The following SOS2 variants were observed in gnomAD, a reference collection of about 807,000 sequenced individuals.
SOS2 encodes the protein son of sevenless homolog 2.
Under a neutral mutation model 148.2 loss-of-function variants are expected in SOS2, and 65 were observed. The ratio of observed to expected loss-of-function variants is 0.44; its 90% confidence interval spans 0.36 to 0.54. The LOEUF (loss-of-function observed/expected upper bound fraction) is 0.54, where lower values mean the gene tolerates loss of function less well. Ranked by LOEUF, SOS2 falls within the 20% of genes least tolerant of loss-of-function variation. SOS2 has a pLI of 0.00. For synonymous variants in SOS2, 539 were observed against 537.1 expected (o/e 1.00, Z -0.05); for missense variants, 1,341 against 1,590.2 (o/e 0.84, Z 2.67).
intron 1 of SOS2, among the ~76,000 whole-genome samples, chr14:50,217,361 A>G (rs1240017140): frequency 6.6e-6 from 1 of 152,178 alleles, no homozygotes; most frequent in Non-Finnish European, 1.5e-5. Flanking sequence ...AGAAAAAGTG[A>G]TTCAAATGAG....
Position 50,199,770 on chromosome 14 carries a change from A to T in SOS2, c.431T>A (p.Leu144Ter), listed in dbSNP as rs1886425451. ...GATATTAAAAACATAATTACCAGCC[A>T]ATTTTAAAATATCAGCTGAGATATA... is the stretch of plus-strand genomic sequence containing the variant. ...LEYISADILK[L>*]AGNYVFNIRH... The change falls in exon 4 of 23, where the codon TTG becomes TAG. Residue 144 changes from leucine to a stop codon, truncating the protein, a stop_gained. Coordinates refer to ENST00000216373, the MANE Select transcript of SOS2 (RefSeq NM_006939.4). LOFTEE classifies it high-confidence loss of function. The T allele has an allele frequency of 6.2e-7, 1 of 1,603,154 alleles. No individual in the cohort carries two copies. The highest frequency in any genetic ancestry group is 8.5e-7 in the Non-Finnish European group (1 of 1,170,606).
At chr14:50,138,363 G>A (rs888493125) in intron 18 of SOS2, among the ~76,000 whole-genome samples, 7 of 151,874 alleles carry the variant, frequency 4.6e-5, no homozygotes, top group African/African-American at 1.7e-4. Flanking sequence ...GTTTCGCCAT[G>A]CTGCCCAGGC....
chr14:50,190,622 TG>T (rs2139743953), intron 4 of SOS2, among the ~76,000 whole-genome samples: 1 of 152,176 alleles, frequency 6.6e-6, no homozygotes, highest in East Asian at 1.9e-4. Flanking sequence ...TCTAAAATCA[TG>T]TTACTAAAAA....
intron 8 of SOS2, among the ~76,000 whole-genome samples, 180 bp from the exon 9 acceptor site, chr14:50,161,789 CTTT>C (rs36219580): frequency 5.1e-4 from 69 of 135,306 alleles, no homozygotes; most frequent in East Asian, 3.1e-3. Context: ...CTTTTTCTTT[CTTT>C]TTTTTTTTTT....
At chr14:50,205,465 A>G (rs1886629995) in intron 1 of SOS2, among the ~76,000 whole-genome samples, 1 of 152,166 alleles carries the variant, frequency 6.6e-6, no homozygotes, top group African/African-American at 2.4e-5. Context: ...CTCCCCACAA[A>G]AAACACAGCA....
At chr14:50,159,394 A>T (rs767199662) in intron 10 of SOS2, 37 bp downstream of exon 10, 1 of 1,416,838 alleles carries the variant, frequency 7.1e-7, no homozygotes, top group Non-Finnish European at 9.5e-7. Flanking sequence ...TTTGGGTCCC[A>T]GGCCCTAGGT....
rs10599812 is a variant in SOS2 at position 50,189,061 on chromosome 14, TCACACACA to T, written c.511-369_511-362del. ...GCCTGGGCGACAGAGCGAGACTCCA[TCACACACA>T]CACACACACACACACACACACACAC... On this transcript the variant is annotated intron_variant, in intron 4 of 22. Transcript: ENST00000216373. Among the ~76,000 whole-genome samples the T allele has an allele frequency of 8.7e-4, 112 of 128,780 alleles. 1 individual carries two copies. The East Asian group carries it at 8.9e-3, about 10-fold the overall frequency. 84.5% of individuals were successfully genotyped at this position (128,780 alleles called of 152,430 possible). A position where few individuals can be genotyped will look rare whatever the true frequency, so the allele number is the denominator to read the frequency against.
intron 4 of SOS2, among the ~76,000 whole-genome samples, chr14:50,195,204 A>G (rs1886276557): frequency 6.6e-6 from 1 of 152,180 alleles, no homozygotes; most frequent in African/African-American, 2.4e-5. Flanking sequence ...CAACAAGTAC[A>G]CAGAGTAACG....
intron 5 of SOS2, among the ~76,000 whole-genome samples, chr14:50,188,122 G>A (rs759449343): frequency 6.6e-6 from 1 of 152,098 alleles, no homozygotes; most frequent in Non-Finnish European, 1.5e-5. Context: ...CTATTTATGG[G>A]CTGGGTGCAG....
Position 50,130,726 on chromosome 14 carries a change from T to G in SOS2, c.3112A>C (p.Ile1038Leu), listed in dbSNP as rs777942540. ...KSTFSLKSPG[I>L]RPNTGRHGST... ...CCATGTCGGCCTGTGTTAGGCCTTA[T>G]TCCAGGAGATTTTAAGGAAAAAGTT... The change falls in exon 20 of 23, where the codon ATA (isoleucine) becomes CTA (leucine). Residue 1038 changes from isoleucine to leucine, a missense_variant. Around this residue, in one of 4 missense-constraint regions of SOS2, gnomAD observed 408 missense variants for 506.6 expected, o/e 0.81. Coordinates refer to ENST00000216373, the MANE Select transcript of SOS2 (RefSeq NM_006939.4). 1.9e-6 allele frequency: 3 copies of G among 1,607,058 alleles called. No homozygotes were observed. The South Asian group carries it at 3.3e-5, about 18-fold the overall frequency.
At chr14:50,147,512 TA>T (rs60438147) in intron 14 of SOS2, among the ~76,000 whole-genome samples, 58,367 of 104,980 alleles carry the variant, frequency 0.56, 15,806 homozygotes, top group East Asian at 0.73. Context: ...ACCCTGTTTC[TA>T]AAAAAAAAAA....
At chr14:50,154,793 A>G (rs527742063) in intron 12 of SOS2, among the ~76,000 whole-genome samples, 2 of 152,328 alleles carry the variant, frequency 1.3e-5, no homozygotes, top group South Asian at 4.1e-4. Context: ...CAGTGGGAAC[A>G]AAAACTGATG....
chr14:50,164,257 C>A (rs746850195), intron 8 of SOS2, among the ~76,000 whole-genome samples: 2 of 151,922 alleles, frequency 1.3e-5, no homozygotes, highest in Non-Finnish European at 2.9e-5. Flanking sequence ...CCTGACCACA[C>A]GGAGAAACCT....
At chr14:50,188,889 C>A (rs551369954) in intron 4 of SOS2, among the ~76,000 whole-genome samples, 189 bp from the exon 5 acceptor site, 45 of 152,016 alleles carry the variant, frequency 3.0e-4, no homozygotes, top group Admixed American at 9.2e-4. Context: ...ATGGTGAAAC[C>A]CTGTCTCGAC....
intron 2 of SOS2, among the ~76,000 whole-genome samples, chr14:50,201,396 T>C (rs574007253): frequency 8.2e-4 from 125 of 151,672 alleles, no homozygotes; most frequent in African/African-American, 2.6e-3. Context: ...CCCGGCATGG[T>C]GGTGGTGCAT....
At chr14:50,178,456 TCA>T (rs1885598505) in intron 7 of SOS2, among the ~76,000 whole-genome samples, 1 of 151,896 alleles carries the variant, frequency 6.6e-6, no homozygotes, top group Non-Finnish European at 1.5e-5. Context: ...TCACCCAGTC[TCA>T]GTCTTCTTTT....
At chr14:50,199,462 G>GT (rs1425042127) in intron 4 of SOS2, among the ~76,000 whole-genome samples, 2 of 151,750 alleles carry the variant, frequency 1.3e-5, no homozygotes, top group Non-Finnish European at 2.9e-5. Context: ...GGCCTTGGAT[G>GT]TTTTTTTTCT....
At chr14:50,125,926 T>C (rs548801017) in intron 21 of SOS2, among the ~76,000 whole-genome samples, 108 of 152,328 alleles carry the variant, frequency 7.1e-4, no homozygotes, top group African/African-American at 2.5e-3. Context: ...AGGCAGAAGA[T>C]TCAAAGATCC....
intron 18 of SOS2, 51 bp downstream of exon 18, chr14:50,138,561 T>C (rs768906758): frequency 1.1e-6 from 1 of 871,790 alleles, no homozygotes; most frequent in Non-Finnish European, 1.7e-6. Flanking sequence ...TTTTTTTTTT[T>C]GGTACCCATT....
Sources: allele counts gnomAD v4.1 joint callset (sites outside exome capture counted in the v4.1 genomes callset), GRCh38; gene constraint gnomAD v4.1.1; regional missense constraint gnomAD v4.1.1; transcripts MANE v1.5; gene names NCBI Gene and HGNC (gene_info 2026-07-23, HGNC 2026-07-21).